OR1J2: variants seen among roughly 807,000 people sequenced by gnomAD.
The protein encoded by OR1J2 is olfactory receptor 1J2.
For missense variants in OR1J2, 304 were observed against 246.1 expected, an observed-to-expected ratio of 1.24 and a Z score of -1.57; for synonymous variants, 142 against 99.7, an observed-to-expected ratio of 1.42 and a Z score of -2.52.
chr9:122,567,479 C>A, the OR1J2 span: 1 of 1,218,932 alleles, frequency 8.2e-7, no homozygotes, highest in Admixed American at 2.3e-5. Flanking sequence ...TGACTGTTCA[C>A]CAGAAACCAG....
At chr9:122,566,317 G>A in the OR1J2 span, among the ~76,000 whole-genome samples, 1 of 152,112 alleles carries the variant, frequency 6.6e-6, no homozygotes, top group African/African-American at 2.4e-5. Context: ...GGCAATAAAT[G>A]TTTATTTGAA....
the OR1J2 span, among the ~76,000 whole-genome samples, chr9:122,465,984 C>T: frequency 2.4e-3 from 371 of 152,244 alleles, no homozygotes; most frequent in African/African-American, 8.4e-3. Context: ...GCCATTGCCG[C>T]AGAATTCCCA....
At chr9:122,530,767 G>C in the OR1J2 span, among the ~76,000 whole-genome samples, 2 of 152,164 alleles carry the variant, frequency 1.3e-5, no homozygotes, top group East Asian at 3.9e-4. Context: ...AAGGAAAAAG[G>C]GGTGTTGTTC....
At chr9:122,539,264 C>T in the OR1J2 span, among the ~76,000 whole-genome samples, 1 of 151,914 alleles carries the variant, frequency 6.6e-6, no homozygotes, top group Non-Finnish European at 1.5e-5. Flanking sequence ...GCTATCCTTC[C>T]CACCCCCACC....
At chr9:122,560,779 C>T in the OR1J2 span, among the ~76,000 whole-genome samples, 1 of 152,032 alleles carries the variant, frequency 6.6e-6, no homozygotes, top group Non-Finnish European at 1.5e-5. Context: ...TCATTTCGAC[C>T]TTGGAGAATT....
the OR1J2 span, among the ~76,000 whole-genome samples, chr9:122,538,048 T>C: frequency 6.6e-6 from 1 of 152,148 alleles, no homozygotes; most frequent in Non-Finnish European, 1.5e-5. Context: ...TGTCGGGGGA[T>C]GGAATTTTCC....
the OR1J2 span, among the ~76,000 whole-genome samples, chr9:122,456,438 A>G: frequency 6.6e-6 from 1 of 152,150 alleles, no homozygotes; most frequent in African/African-American, 2.4e-5. Context: ...ACAGGGGAAC[A>G]GTTTTTCTCT....
chr9:122,487,284 A>G, the OR1J2 span, among the ~76,000 whole-genome samples: 2 of 152,190 alleles, frequency 1.3e-5, no homozygotes, highest in Non-Finnish European at 2.9e-5. Flanking sequence ...CATAGCTGGG[A>G]TGCAGGCCAG....
upstream of OR1J2, among the ~76,000 whole-genome samples, chr9:122,507,264 AAAG>A (rs1828536606): frequency 6.6e-6 from 1 of 152,180 alleles, no homozygotes; most frequent in South Asian, 2.1e-4. Context: ...CTGAAGATGA[AAAG>A]AAGAATGGAG....
the OR1J2 span, chr9:122,519,897 G>A: frequency 7.4e-6 from 12 of 1,613,964 alleles, no homozygotes; most frequent in Admixed American, 3.3e-5. Context: ...TCTGTATTAT[G>A]GCACAATTAT....
chr9:122,573,691 C>A, the OR1J2 span, among the ~76,000 whole-genome samples: 1 of 152,108 alleles, frequency 6.6e-6, no homozygotes, highest in Non-Finnish European at 1.5e-5. Context: ...CAGTATGTGG[C>A]TTATTTTTTT....
chr9:122,547,657 G>GTGTGTGTGTA, the OR1J2 span, among the ~76,000 whole-genome samples: 14 of 147,812 alleles, frequency 9.5e-5, no homozygotes, highest in African/African-American at 3.5e-4. Flanking sequence ...GTGTGTGTGT[G>GTGTGTGTGTA]TACATACACA....
the OR1J2 span, among the ~76,000 whole-genome samples, chr9:122,541,631 C>T: frequency 4.8e-4 from 73 of 152,322 alleles, no homozygotes; most frequent in African/African-American, 1.6e-3. Context: ...CCTTTATCTA[C>T]ATTAAGCTGC....
the OR1J2 span, among the ~76,000 whole-genome samples, chr9:122,466,187 A>C: frequency 6.6e-6 from 1 of 152,160 alleles, no homozygotes; most frequent in Non-Finnish European, 1.5e-5. Flanking sequence ...CCAAAAGACT[A>C]TGACAGAGCC....
At chr9:122,564,937 G>A in the OR1J2 span, among the ~76,000 whole-genome samples, 2 of 151,180 alleles carry the variant, frequency 1.3e-5, no homozygotes, top group Non-Finnish European at 3.0e-5. Context: ...CCATTATATT[G>A]ATAACATTGT....
chr9:122,560,910 C>T, the OR1J2 span, among the ~76,000 whole-genome samples: 78 of 152,254 alleles, frequency 5.1e-4, no homozygotes, highest in East Asian at 0.011. Context: ...AGATAATATC[C>T]TGAAGTGTGT....
At chr9:122,477,214 A>G in the OR1J2 span, 1 of 1,614,192 alleles carries the variant, frequency 6.2e-7, no homozygotes, top group Non-Finnish European at 8.5e-7. Context: ...ACAAGTGGAC[A>G]AGGCTTTGCA....
chr9:122,501,284 C>T, the OR1J2 span, among the ~76,000 whole-genome samples: 5 of 151,948 alleles, frequency 3.3e-5, no homozygotes, highest in Non-Finnish European at 7.4e-5. Context: ...AAAGTTTGTC[C>T]AAGGGTTGAC....
At chr9:122,552,585 A>T in the OR1J2 span, among the ~76,000 whole-genome samples, 4 of 152,052 alleles carry the variant, frequency 2.6e-5, no homozygotes, top group Non-Finnish European at 5.9e-5. Flanking sequence ...GGAGTACGAC[A>T]CCAGACACCT....
Sources: allele counts gnomAD v4.1 joint callset (sites outside exome capture counted in the v4.1 genomes callset), GRCh38; gene constraint gnomAD v4.1.1; transcripts MANE v1.5; gene names NCBI Gene and HGNC (gene_info 2026-07-23, HGNC 2026-07-21).